LRRK2: variants seen among roughly 807,000 people sequenced by gnomAD.
The protein encoded by LRRK2 is leucine-rich repeat serine/threonine-protein kinase 2.
A neutral mutation model predicts 302.6 loss-of-function variants in LRRK2; 203 were observed. That is an observed-to-expected ratio of 0.67 (90% CI 0.60 to 0.75). The LOEUF (loss-of-function observed/expected upper bound fraction) is 0.75, where lower values mean the gene tolerates loss of function less well. LRRK2 is among the 30% of genes least tolerant of loss of function. LRRK2 has a pLI of 0.00. For missense variants in LRRK2, 2,830 were observed against 2,951.0 expected (o/e 0.96, Z 0.95); for synonymous variants, 1,066 against 1,031.9 (o/e 1.03, Z -0.63).
At chr12:40,237,552 G>A (rs967219335) in intron 4 of LRRK2, among the ~76,000 whole-genome samples, 2 of 152,156 alleles carry the variant, frequency 1.3e-5, no homozygotes, top group Non-Finnish European at 2.9e-5. Context: ...GAAGGAAGAT[G>A]ACTTAGGAGT....
chr12:40,347,001 T>C, intron 42 of LRRK2, 78 bp downstream of exon 42: 1 of 1,176,516 alleles, frequency 8.5e-7, no homozygotes, highest in East Asian at 2.4e-5. Context: ...TGTAGTTGTA[T>C]GCTTAATTCC....
intron 38 of LRRK2, among the ~76,000 whole-genome samples, chr12:40,327,856 ATAAT>A (rs1447723153): frequency 6.6e-6 from 1 of 152,216 alleles, no homozygotes; most frequent in East Asian, 1.9e-4. Flanking sequence ...AAGAGTTAAA[ATAAT>A]TCTTCAATTT....
chr12:40,281,242 T>C (rs979090190), intron 18 of LRRK2, among the ~76,000 whole-genome samples: 4 of 152,212 alleles, frequency 2.6e-5, no homozygotes, highest in African/African-American at 9.7e-5. Flanking sequence ...GGTTCTAATG[T>C]TATTCCCATT....
chr12:40,309,267 A>C, intron 30 of LRRK2, 34 bp downstream of exon 30: 1 of 1,585,660 alleles, frequency 6.3e-7, no homozygotes, highest in Non-Finnish European at 8.5e-7. Flanking sequence ...AATAGAAAAT[A>C]ATTCATGTGT....
In LRRK2 at chr12:40,356,416, T is replaced by A. The variant is rs41269721; in HGVS notation, c.6843+229T>A. Among the ~76,000 whole-genome samples, 2,030 of 152,318 alleles carry A rather than the reference T, an allele frequency of 0.013. 25 individuals are homozygous for A. Among genetic ancestry groups the A allele is most frequent in the Middle Eastern group, 0.037 (11 of 294 alleles). ...TAAGAATAAAATGATAAATGACATC[T>A]GATTGATAATATTGGGAATGGAAAT... On this transcript the variant is annotated intron_variant, in intron 46 of 50. Transcript: ENST00000298910.
At position 40,354,276 on chromosome 12, in the gene LRRK2, A is replaced by G. The variant is rs536554637; in HGVS notation, c.6577-23A>G. On this transcript the variant is annotated intron_variant, in intron 44 of 50. Coordinates refer to ENST00000298910, the MANE Select transcript of LRRK2 (RefSeq NM_198578.4). ...CTTAAGCTTAAATCAAATCCTGCTA[A>G]GTATATTTTCTTTTCTTAACAGGAA... 9 of 1,600,254 alleles carry G rather than the reference A, an allele frequency of 5.6e-6. No homozygotes were observed. In the South Asian group the frequency reaches 6.7e-5, roughly 12 times the overall value.
chr12:40,257,529 G>A, intron 12 of LRRK2, 152 bp downstream of exon 12: 2 of 833,646 alleles, frequency 2.4e-6, no homozygotes, highest in Admixed American at 4.7e-5. Flanking sequence ...CGTGTCACTA[G>A]TACCATAGAC....
intron 23 of LRRK2, among the ~76,000 whole-genome samples, chr12:40,296,715 C>A (rs79400217): frequency 0.036 from 5,469 of 151,988 alleles, 137 homozygotes; most frequent in Middle Eastern, 0.066. Context: ...GTTTTAAAGG[C>A]AACATTACAT....
chr12:40,356,085 T>C, intron 45 of LRRK2, 30 bp from the exon 46 acceptor site: 1 of 1,526,420 alleles, frequency 6.6e-7, no homozygotes, highest in Non-Finnish European at 9.0e-7. Context: ...CATGTTCTTT[T>C]TGTAACAATT....
intron 14 of LRRK2, among the ~76,000 whole-genome samples, chr12:40,264,558 G>A (rs967254664): frequency 6.6e-6 from 1 of 152,258 alleles, no homozygotes; most frequent in Admixed American, 6.5e-5. Context: ...GGCAGAGGTT[G>A]CAGTGAGCTG....
At chr12:40,363,684 T>A in intron 48 of LRRK2, 130 bp downstream of exon 48, 1 of 968,872 alleles carries the variant, frequency 1.0e-6, no homozygotes, top group Non-Finnish European at 1.5e-6. Context: ...AAAAAATTTG[T>A]AATGCTTCTC....
intron 6 of LRRK2, among the ~76,000 whole-genome samples, chr12:40,241,704 T>C (rs1430323970): frequency 3.3e-5 from 5 of 152,246 alleles, no homozygotes; most frequent in African/African-American, 4.8e-5. Flanking sequence ...ATGTGTGTTG[T>C]ATACTATATG....
intron 31 of LRRK2, chr12:40,312,922 T>C (rs1945083116): frequency 2.0e-5 from 3 of 149,828 alleles, no homozygotes; most frequent in Non-Finnish European, 4.5e-5. Flanking sequence ...AGTGAAATTA[T>C]CTCTAATTCT....
intron 47 of LRRK2, among the ~76,000 whole-genome samples, chr12:40,361,245 CAT>C: frequency 1.0e-4 from 1 of 9,948 alleles, no homozygotes; most frequent in South Asian, 3.4e-3. Context: ...TCTGTCTTTA[CAT>C]ATTTATTTAC....
At chr12:40,288,970 A>C (rs1405490584) in intron 20 of LRRK2, among the ~76,000 whole-genome samples, 3 of 151,802 alleles carry the variant, frequency 2.0e-5, no homozygotes, top group Non-Finnish European at 4.4e-5. Flanking sequence ...TATCCCACTT[A>C]AGAAACCTTT....
chr12:40,363,756 T>A (rs1388870402), intron 48 of LRRK2, among the ~76,000 whole-genome samples: 2 of 152,058 alleles, frequency 1.3e-5, no homozygotes, highest in Non-Finnish European at 2.9e-5. Context: ...AGGCACATAA[T>A]GTGCATAGTT....
At chr12:40,334,402 A>C (rs1945805663) in intron 39 of LRRK2, among the ~76,000 whole-genome samples, 1 of 152,200 alleles carries the variant, frequency 6.6e-6, no homozygotes, top group Non-Finnish European at 1.5e-5. Flanking sequence ...ATTTGCATAT[A>C]ACTTTTGACC....
chr12:40,308,843 C>A, intron 29 of LRRK2, 147 bp downstream of exon 29: 2 of 904,950 alleles, frequency 2.2e-6, no homozygotes, highest in South Asian at 1.6e-5. Flanking sequence ...TAATTTTACC[C>A]TTGCCTCCAG....
intron 18 of LRRK2, among the ~76,000 whole-genome samples, chr12:40,282,060 C>G: frequency 2.9e-5 from 1 of 33,912 alleles, no homozygotes; most frequent in African/African-American, 1.2e-4. Context: ...CTTCCCTTCC[C>G]TTCCCTTCCC....
Sources: allele counts gnomAD v4.1 joint callset (sites outside exome capture counted in the v4.1 genomes callset), GRCh38; gene constraint gnomAD v4.1.1; transcripts MANE v1.5; gene names NCBI Gene and HGNC (gene_info 2026-07-23, HGNC 2026-07-21).